Variants in DENND1B observed in about 807,000 individuals in gnomAD.
DENND1B encodes DENN domain-containing protein 1B.
In DENND1B, 59 loss-of-function variants were observed where a neutral mutation model predicts 90.1. That is an observed-to-expected ratio of 0.65 (90% confidence interval 0.53 to 0.81). The LOEUF (loss-of-function observed/expected upper bound fraction) is 0.81, where lower values mean the gene tolerates loss of function less well. DENND1B is among the 40% of genes least tolerant of loss of function. The pLI, the probability that DENND1B is intolerant of heterozygous loss-of-function variation, is 0.00. For synonymous variants in DENND1B, 337 were observed against 324.6 expected (o/e 1.04, Z -0.41); for missense variants, 862 against 912.6 (o/e 0.94, Z 0.71).
intron 15 of DENND1B, among the ~76,000 whole-genome samples, chr1:197,573,579 G>C (rs1420336835): frequency 1.3e-5 from 2 of 152,084 alleles, no homozygotes; most frequent in Non-Finnish European, 2.9e-5. Context: ...GAAAAAGAGG[G>C]AATCCTCCCT....
At chr1:197,648,706 C>T (rs1279625825) in intron 7 of DENND1B, among the ~76,000 whole-genome samples, 7 of 152,062 alleles carry the variant, frequency 4.6e-5, no homozygotes, top group Admixed American at 4.6e-4. Flanking sequence ...GACCATAAAC[C>T]TTGGATTCTT....
At chr1:197,516,233 A>G (rs1364820605) in intron 20 of DENND1B, among the ~76,000 whole-genome samples, 1 of 151,824 alleles carries the variant, frequency 6.6e-6, no homozygotes, top group East Asian at 1.9e-4. Flanking sequence ...CATACTTATT[A>G]TACATGTACT....
intron 15 of DENND1B, among the ~76,000 whole-genome samples, chr1:197,569,669 A>T (rs1272371862): frequency 6.6e-6 from 1 of 152,126 alleles, no homozygotes; most frequent in African/African-American, 2.4e-5. Context: ...TCTGGAGGAC[A>T]TTATGCTAAG....
At position 197,728,993 on chromosome 1, in the gene DENND1B, A is replaced by G. The variant is rs148682820; in HGVS notation, c.83-13919T>C. Among the ~76,000 whole-genome samples the G allele has an allele frequency of 5.2e-4, 79 of 152,232 alleles. 1 individual carries two copies. Among genetic ancestry groups the G allele is most frequent in the African/African-American group, 1.8e-3 (75 of 41,570 alleles). On this transcript the variant is annotated intron_variant, in intron 2 of 22. Transcript: ENST00000620048. Reference sequence around the variant, plus strand: ...GTGTCTTTTCACATAAATAAAATTTATTCCCAATTTCAAGGATTTACTTAT... The same window carrying G: ...GTGTCTTTTCACATAAATAAAATTTGTTCCCAATTTCAAGGATTTACTTAT...
At chr1:197,520,419 AT>A (rs1378096175) in intron 20 of DENND1B, among the ~76,000 whole-genome samples, 4 of 152,142 alleles carry the variant, frequency 2.6e-5, no homozygotes, top group African/African-American at 7.2e-5. Context: ...AAAATCTTAC[AT>A]TAAATGACCA....
rs1662629188 is a variant in DENND1B, at chr1:197,735,884, A to T, written c.83-20810T>A. ...CAGTCAAATTGCAGGGGGCTATTACAGGTGCCTCTCCTGCTGATATAATGG... is the reference window on the plus strand; with the variant it reads ...CAGTCAAATTGCAGGGGGCTATTACTGGTGCCTCTCCTGCTGATATAATGG... On this transcript the variant is annotated intron_variant, in intron 2 of 22. Transcript: ENST00000620048. The T allele has an allele frequency of 4.5e-6, 7 of 1,549,066 alleles. No individual in the cohort carries two copies. In the South Asian group the frequency reaches 6.7e-5, roughly 15 times the overall value.
In DENND1B at chr1:197,570,333, T is replaced by A. The variant is rs141326467; in HGVS notation, c.1149+12819A>T. 5.9e-3 allele frequency among the ~76,000 whole-genome samples: 899 copies of A among 152,222 alleles called. 13 individuals are homozygous for A. Among genetic ancestry groups the A allele is most frequent in the African/African-American group, 0.02 (842 of 41,552 alleles). On this transcript the variant is annotated intron_variant, in intron 15 of 22. Transcript: ENST00000620048. ...AGAAGTACTGAAGATTAGCTGAGAA[T>A]GATCTCCCCTCTCCAAAACTACATG... is the stretch of plus-strand genomic sequence containing the variant.
intron 2 of DENND1B, among the ~76,000 whole-genome samples, chr1:197,751,736 C>T (rs2102412445): frequency 6.6e-6 from 1 of 151,832 alleles, no homozygotes; most frequent in South Asian, 2.1e-4. Flanking sequence ...CCCAGCTACT[C>T]AGGAGGCTGA....
At chr1:197,736,062 T>C (rs1310142645) in intron 2 of DENND1B, 6 of 849,776 alleles carry the variant, frequency 7.1e-6, no homozygotes, top group East Asian at 5.0e-5. Context: ...AGTAAATGAT[T>C]GTGAAGCCCG....
chr1:197,566,348 T>C (rs951974374), intron 15 of DENND1B, among the ~76,000 whole-genome samples: 16 of 152,132 alleles, frequency 1.1e-4, no homozygotes, highest in Non-Finnish European at 1.5e-4. Flanking sequence ...TTTGTTTTTT[T>C]CTTGTAAATT....
At chr1:197,591,230 G>T (rs2125795858) in intron 14 of DENND1B, among the ~76,000 whole-genome samples, 1 of 152,238 alleles carries the variant, frequency 6.6e-6, no homozygotes, top group East Asian at 1.9e-4. Flanking sequence ...GAGAAGAAAT[G>T]ACTATATCAC....
chr1:197,753,138 A>C (rs893346041), intron 2 of DENND1B, among the ~76,000 whole-genome samples: 1 of 150,830 alleles, frequency 6.6e-6, no homozygotes, highest in African/African-American at 2.5e-5. Context: ...GATAAATGTT[A>C]AATTGGAAAA....
At chr1:197,584,593 G>A (rs769072350) in intron 14 of DENND1B, among the ~76,000 whole-genome samples, 1 of 152,082 alleles carries the variant, frequency 6.6e-6, no homozygotes, top group Non-Finnish European at 1.5e-5. Context: ...CTTAAGTGGT[G>A]TCACCTACCA....
Position 197,534,103 on chromosome 1 carries a change from TCAAAAAG to T in DENND1B, c.1515+5854_1515+5860del, listed in dbSNP as rs1669706920. ...TACAAGAAAAAAACAAACAACCCCA[TCAAAAAG>T]TGGGCGAAGGACATGAACAGACACT... On this transcript the variant is annotated intron_variant, in intron 20 of 22. Coordinates refer to ENST00000620048, the MANE Select transcript of DENND1B (RefSeq NM_001195215.2). Among the ~76,000 whole-genome samples, 2 of 1,068 alleles carry T rather than the reference TCAAAAAG, an allele frequency of 1.9e-3. 1 individual carries two copies. The highest frequency in any genetic ancestry group is 1.9e-3 in the African/African-American group (2 of 1,048). 0.7% of individuals were successfully genotyped at this position (1,068 alleles called of 152,430 possible). A position where few individuals can be genotyped will look rare whatever the true frequency, so the allele number is the denominator to read the frequency against.
At chr1:197,736,838 G>A (rs182727230) in intron 2 of DENND1B, among the ~76,000 whole-genome samples, 2 of 152,156 alleles carry the variant, frequency 1.3e-5, no homozygotes, top group East Asian at 3.9e-4. Flanking sequence ...TCAGATTTTT[G>A]TTATACCACT....
intron 2 of DENND1B, among the ~76,000 whole-genome samples, chr1:197,743,645 T>C (rs1225686880): frequency 6.6e-6 from 1 of 152,212 alleles, no homozygotes; most frequent in African/African-American, 2.4e-5. Flanking sequence ...CCATAAGATG[T>C]GGTTTGATAG....
chr1:197,559,602 TA>T (rs1404818848), intron 15 of DENND1B, among the ~76,000 whole-genome samples: 2 of 151,952 alleles, frequency 1.3e-5, no homozygotes, highest in Non-Finnish European at 2.9e-5. Context: ...AAAATAGTTT[TA>T]AAAATCAATC....
chr1:197,774,421 T>C (rs904418453), intron 1 of DENND1B: 3 of 151,998 alleles, frequency 2.0e-5, no homozygotes, highest in African/African-American at 4.8e-5. Flanking sequence ...AGAAGAAAAA[T>C]ATAAAACTCA....
chr1:197,628,973 T>A (rs1013400139), intron 10 of DENND1B, among the ~76,000 whole-genome samples: 1 of 151,936 alleles, frequency 6.6e-6, no homozygotes, highest in Admixed American at 6.6e-5. Flanking sequence ...AAAACCACAA[T>A]GAGATACCAT....
Sources: allele counts gnomAD v4.1 joint callset (sites outside exome capture counted in the v4.1 genomes callset), GRCh38; gene constraint gnomAD v4.1.1; transcripts MANE v1.5; gene names NCBI Gene and HGNC (gene_info 2026-07-23, HGNC 2026-07-21).